The following PHC2 variants were observed in gnomAD, a reference collection of about 807,000 sequenced individuals.
PHC2 encodes the protein polyhomeotic homolog 2.
Under a neutral mutation model 87.4 loss-of-function variants are expected in PHC2, and 29 were observed. The observed-to-expected ratio is 0.33, with a 90% CI of 0.25 to 0.45. The LOEUF (loss-of-function observed/expected upper bound fraction) is 0.45, where lower values mean the gene tolerates loss of function less well. Among genes scored for constraint, PHC2 ranks in the 20% least tolerant of loss-of-function variants. PHC2 has a pLI of 1.00. For missense variants in PHC2, 857 were observed against 1,136.7 expected, an observed-to-expected ratio of 0.75 and a Z score of 3.54; for synonymous variants, 438 against 461.7, an observed-to-expected ratio of 0.95 and a Z score of 0.66.
At chr1:33,354,259 T>C in intron 9 of PHC2, 142 bp downstream of exon 9, 1 of 707,910 alleles carries the variant, frequency 1.4e-6, no homozygotes, top group Non-Finnish European at 2.4e-6. Flanking sequence ...TCTTCTCACA[T>C]CCCTCCTCTG....
intron 9 of PHC2, among the ~76,000 whole-genome samples, chr1:33,338,741 G>C (rs1646688614): frequency 6.6e-6 from 1 of 152,210 alleles, no homozygotes; most frequent in Admixed American, 6.5e-5. Flanking sequence ...GACCAGTTCA[G>C]AGGCTATAAG....
intron 1 of PHC2, among the ~76,000 whole-genome samples, chr1:33,417,172 C>G (rs1178838840): frequency 1.3e-5 from 2 of 150,772 alleles, no homozygotes; most frequent in Non-Finnish European, 3.0e-5. Flanking sequence ...AATATGGGGT[C>G]AAGATTAAGA....
Position 33,368,706 on chromosome 1 carries a change from G to A in PHC2, c.577-84C>T, listed in dbSNP as rs1647635243. Reference sequence around the variant, plus strand: ...GGCTGGGCCTGGAATCACAGGAAACGAGGCGCCTTTTACCTGCTCGATGTG... The same window carrying A: ...GGCTGGGCCTGGAATCACAGGAAACAAGGCGCCTTTTACCTGCTCGATGTG... On this transcript the variant is annotated intron_variant, in intron 5 of 14. Transcript: ENST00000683057. The surrounding 1 kb of genome is among the most constrained non-coding windows in gnomAD (Gnocchi z 6.6). The A allele has an allele frequency of 7.9e-6, 8 of 1,017,762 alleles. No individual in the cohort carries two copies. The highest frequency in any genetic ancestry group is 1.6e-5 in the African/African-American group (1 of 62,986). 63.0% of individuals were successfully genotyped at this position (1,017,762 alleles called of 1,614,324 possible).
At chr1:33,419,915 CTCTTA>C (rs1322810890) in intron 1 of PHC2, among the ~76,000 whole-genome samples, 7 of 152,022 alleles carry the variant, frequency 4.6e-5, no homozygotes, top group African/African-American at 1.2e-4. Context: ...GGCCACCTCT[CTCTTA>C]TAAGGACACT....
At position 33,371,078 on chromosome 1, in the gene PHC2, T is replaced by C. The variant is rs753761423; in HGVS notation, c.350A>G (p.Asn117Ser). 55 of 1,613,902 alleles carry C rather than the reference T, an allele frequency of 3.4e-5. 1 individual carries two copies. The Admixed American group carries it at 5.2e-4, about 15-fold the overall frequency. Reference sequence around the variant, plus strand: ...GCTGCCTGAAGTGCTTCCTTGTCTATTGGATACCAGGCTTGCCTAGGAAAG... The same window carrying C: ...GCTGCCTGAAGTGCTTCCTTGTCTACTGGATACCAGGCTTGCCTAGGAAAG... ...AAVQQASLVS[N>S]RQGSTSGSNV... The change falls in exon 4 of 15, where the codon AAT (asparagine) becomes AGT (serine). Residue 117 changes from asparagine to serine, a missense_variant. By Grantham distance (46) the Asn-to-Ser change is conservative (BLOSUM62 1). Around this residue, in one of 3 missense-constraint regions of PHC2, gnomAD observed 832 missense variants for 1,081.8 expected, o/e 0.77. Transcript: ENST00000683057.
In PHC2 at chr1:33,349,908, T is replaced by A; in HGVS notation, c.1558+4493A>T. ...CGCCGCGGAGACAATGCGGCGAGTC[T>A]GGGACGGCTCCCGCGGCCGCCTCCG... On this transcript the variant is annotated intron_variant, in intron 9 of 14. Transcript: ENST00000683057. The surrounding 1 kb of genome is among the most constrained non-coding windows in gnomAD (Gnocchi z 4.2). 1 of 960,686 alleles carries A rather than the reference T, an allele frequency of 1.0e-6. No homozygotes were observed. Among genetic ancestry groups the A allele is most frequent in the Non-Finnish European group, 1.2e-6 (1 of 817,724 alleles). The allele number at this position is 960,686 out of a possible 1,614,324, so 59.5% of individuals were successfully genotyped here. A position where few individuals can be genotyped will look rare whatever the true frequency, so the allele number is the denominator to read the frequency against.
In PHC2 at chr1:33,343,314, A is replaced by T. The variant is rs148271741; in HGVS notation, c.1559-9022T>A. ...TGTCTCTAGTAAAAATACAAAAAAA[A>T]AAATAAATAACTGGGTGTGGTGGCG... On this transcript the variant is annotated intron_variant, in intron 9 of 14. Coordinates refer to ENST00000683057, the MANE Select transcript of PHC2 (RefSeq NM_001385109.1). Among the ~76,000 whole-genome samples, 777 of 151,788 alleles carry T rather than the reference A, an allele frequency of 5.1e-3. 9 individuals are homozygous for T. Among genetic ancestry groups the T allele is most frequent in the African/African-American group, 0.017 (712 of 41,450 alleles).
chr1:33,331,359 A>G lies in PHC2; in HGVS notation c.1995T>C (p.Ala665=). 6.3e-7 allele frequency: 1 copy of G among 1,597,982 alleles called. No individual in the cohort carries two copies. The highest frequency in any genetic ancestry group is 8.6e-7 in the Non-Finnish European group (1 of 1,165,914). ...CTGGGGCCACTCACCTCTTTGCACAAGCCATGGAACAGAAGCGCTTGGAAC... is the reference window on the plus strand; with the variant it reads ...CTGGGGCCACTCACCTCTTTGCACAGGCCATGGAACAGAAGCGCTTGGAAC... The part of the protein sequence containing the change: ...FKRSKRFCSM[A]CAKRYNVGCT... Residue 665 remains alanine, a synonymous_variant, in exon 12 of 15, where the codon GCT becomes GCC. Transcript: ENST00000683057. This position sits in a 1 kb window ranked among gnomAD's most constrained non-coding sequence, Gnocchi z 5.2.
rs976603246 is a variant in PHC2 at position 33,387,036 on chromosome 1, T to C, written c.-54-11443A>G. Among the ~76,000 whole-genome samples the C allele has an allele frequency of 3.3e-5, 5 of 152,244 alleles. No individual in the cohort carries two copies. In the South Asian group the frequency reaches 1.0e-3, roughly 31 times the overall value. ...TATGACTAGGCCAACACAGGGATCA[T>C]GGGAAGTGGCTAATTATCAGGCTTT... On this transcript the variant is annotated intron_variant, in intron 1 of 14. Transcript: ENST00000683057.
chr1:33,332,351 C>G lies in PHC2; in HGVS notation c.1815G>C (p.Gly605=). The G allele has an allele frequency of 6.2e-7, 1 of 1,614,180 alleles. No individual in the cohort carries two copies. The highest frequency in any genetic ancestry group is 8.5e-7 in the Non-Finnish European group (1 of 1,180,022). ...GCTGTGGAAGTTTCTCAGGCAGGAA[C>G]CCCTGTGCATACTTCTTCTTGAGAT... ...VGNLKKKYAQ[G]FLPEKLPQQD... Residue 605 remains glycine, a synonymous_variant, in exon 11 of 15, where the codon GGG becomes GGC. Transcript: ENST00000683057. The surrounding 1 kb of genome is among the most constrained non-coding windows in gnomAD (Gnocchi z 4.2).
intron 1 of PHC2, among the ~76,000 whole-genome samples, chr1:33,410,039 A>G (rs895123997): frequency 6.6e-6 from 1 of 152,176 alleles, no homozygotes; most frequent in African/African-American, 2.4e-5. Flanking sequence ...GTGCCGGTCA[A>G]TAAGGCTTAA....
intron 1 of PHC2, among the ~76,000 whole-genome samples, chr1:33,400,867 A>T (rs1261012577): frequency 6.6e-6 from 1 of 152,230 alleles, no homozygotes; most frequent in African/African-American, 2.4e-5. Context: ...TGCTTCAGAT[A>T]GCTGCCCTTT....
intron 14 of PHC2, 43 bp from the exon 15 acceptor site, chr1:33,325,062 G>A (rs916780426): frequency 6.4e-7 from 1 of 1,557,822 alleles, no homozygotes; most frequent in African/African-American, 1.4e-5. Flanking sequence ...CAAGCCGCCA[G>A]TGTTCACCTC....
rs1053229985 is a variant in PHC2 at position 33,355,208 on chromosome 1, G to A, written c.1022C>T (p.Ser341Leu). The change falls in exon 8 of 15, where the codon TCA (serine) becomes TTA (leucine). Residue 341 changes from serine (S) to leucine (L), a missense_variant. Coordinates refer to ENST00000683057, the MANE Select transcript of PHC2 (RefSeq NM_001385109.1). ...CACAAATTGGGGCTGCAGGTGCTTTGAGGATGGCTGTGGGAGGAGCTGGTG... is the reference window on the plus strand; with the variant it reads ...CACAAATTGGGGCTGCAGGTGCTTTAAGGATGGCTGTGGGAGGAGCTGGTG... ...QPHQLLPQPS[S>L]KHLQPQFVIQ... is the part of the protein sequence containing the mutation. 12 of 1,600,942 alleles carry A rather than the reference G, an allele frequency of 7.5e-6. No homozygotes were observed. Among genetic ancestry groups the A allele is most frequent in the Non-Finnish European group, 1.0e-5 (12 of 1,172,998 alleles).
intron 9 of PHC2, chr1:33,335,311 C>A: frequency 1.0e-6 from 1 of 985,434 alleles, no homozygotes; most frequent in South Asian, 4.7e-5. Flanking sequence ...CTGTTCTCTA[C>A]CACCATCAAC....
At chr1:33,337,510 C>T (rs757667179) in intron 9 of PHC2, among the ~76,000 whole-genome samples, 13 of 152,168 alleles carry the variant, frequency 8.5e-5, no homozygotes, top group African/African-American at 1.7e-4. Context: ...GAGTCAACTG[C>T]GGGCAAGTCA....
At chr1:33,386,512 C>CT (rs1648762408) in intron 1 of PHC2, among the ~76,000 whole-genome samples, 1 of 151,610 alleles carries the variant, frequency 6.6e-6, no homozygotes, top group African/African-American at 2.4e-5. Flanking sequence ...GAGTGAGACT[C>CT]TGTCTCAAAA....
In PHC2 at chr1:33,364,347, TTCTC is replaced by T. The variant is rs1213335035; in HGVS notation, c.976+2765_976+2768del. ...AAAAATGTGTGCGCGCTCGCTTGCT[TTCTC>T]TCTCCCAGACACACACACACACACA... On this transcript the variant is annotated intron_variant, in intron 7 of 14. Coordinates refer to ENST00000683057, the MANE Select transcript of PHC2 (RefSeq NM_001385109.1). The surrounding 1 kb of genome is among the most constrained non-coding windows in gnomAD (Gnocchi z 4.1). 1.5e-5 allele frequency among the ~76,000 whole-genome samples: 2 copies of T among 134,428 alleles called. No individual in the cohort carries two copies. Among genetic ancestry groups the T allele is most frequent in the South Asian group, 5.3e-4 (2 of 3,740 alleles). The allele number at this position is 134,428 out of a possible 152,430, so 88.2% of individuals were successfully genotyped here. A position where few individuals can be genotyped will look rare whatever the true frequency, so the allele number is the denominator to read the frequency against.
chr1:33,394,958 T>C (rs773543753), intron 1 of PHC2, among the ~76,000 whole-genome samples: 11 of 152,200 alleles, frequency 7.2e-5, no homozygotes, highest in Non-Finnish European at 1.0e-4. Flanking sequence ...AACATTCATC[T>C]ACCCTATAAC....
Sources: gnomAD v4.1 joint callset for allele counts (sites outside exome capture counted in the v4.1 genomes callset) on GRCh38, gnomAD v4.1.1 for gene constraint, gnomAD v4.1.1 regional missense constraint, Gnocchi (gnomAD v3.1) non-coding constraint, MANE v1.5 for transcripts, NCBI Gene and HGNC (gene_info 2026-07-23, HGNC 2026-07-21) for gene names.